Variants in HELLS observed in about 807,000 individuals in gnomAD.
HELLS encodes the protein lymphoid-specific helicase.
In HELLS, 32 loss-of-function variants were observed where a neutral mutation model predicts 120.0. That is an observed-to-expected ratio of 0.27 (90% CI 0.20 to 0.36). The LOEUF (loss-of-function observed/expected upper bound fraction) is 0.36. Among genes scored for constraint, HELLS ranks in the 10% least tolerant of loss-of-function variants. The pLI, the probability that HELLS is intolerant of heterozygous loss-of-function variation, is 1.00. For synonymous variants in HELLS, 341 were observed against 323.4 expected, an observed-to-expected ratio of 1.05 and a Z score of -0.58; for missense variants, 650 against 993.4, an observed-to-expected ratio of 0.65 and a Z score of 4.65.
At chr10:94,567,927 T>G (rs1354589561) in intron 6 of HELLS, among the ~76,000 whole-genome samples, 35 of 135,264 alleles carry the variant, frequency 2.6e-4, no homozygotes, top group Non-Finnish European at 3.9e-4. Context: ...TTTTTTTTTT[T>G]GGAGAGAGAG....
intron 3 of HELLS, among the ~76,000 whole-genome samples, chr10:94,554,646 T>TG (rs1160972189): frequency 4.5e-5 from 6 of 132,882 alleles, no homozygotes; most frequent in Admixed American, 1.5e-4. Context: ...GTAATAGTGT[T>TG]TTTTTTTTTG....
intron 4 of HELLS, among the ~76,000 whole-genome samples, chr10:94,559,693 C>T (rs1843452849): frequency 6.6e-6 from 1 of 151,864 alleles, no homozygotes; most frequent in Admixed American, 6.6e-5. Context: ...ATCCACCCGC[C>T]TCAGCCTCCC....
At chr10:94,583,631 A>G (rs1015743658) in intron 12 of HELLS, among the ~76,000 whole-genome samples, 30 of 152,210 alleles carry the variant, frequency 2.0e-4, no homozygotes, top group African/African-American at 6.5e-4. Flanking sequence ...TTCCTCTTAA[A>G]ATTGTATTTC....
chr10:94,565,564 C>T (rs528912784), intron 6 of HELLS, among the ~76,000 whole-genome samples: 34 of 152,210 alleles, frequency 2.2e-4, no homozygotes, highest in African/African-American at 7.9e-4. Context: ...TGGCACATGC[C>T]TGTAATTCCA....
chr10:94,579,356 A>G (rs1382396668), intron 10 of HELLS, among the ~76,000 whole-genome samples: 1 of 151,522 alleles, frequency 6.6e-6, no homozygotes, highest in Admixed American at 6.6e-5. Context: ...GCCCACAACC[A>G]TGCCCGGCTA....
chr10:94,598,870 A>G (rs1589767763), intron 21 of HELLS, among the ~76,000 whole-genome samples: 2 of 152,206 alleles, frequency 1.3e-5, no homozygotes, highest in East Asian at 3.9e-4. Context: ...TCTATTTTCA[A>G]TGAATTTTCA....
At chr10:94,550,761 C>T (rs1055143169) in intron 2 of HELLS, among the ~76,000 whole-genome samples, 15 of 152,002 alleles carry the variant, frequency 9.9e-5, no homozygotes, top group Admixed American at 5.2e-4. Context: ...TGGTGGCACG[C>T]GCCTATAGTC....
chr10:94,564,092 G>GAC (rs1843679192), intron 6 of HELLS, among the ~76,000 whole-genome samples: 2 of 152,200 alleles, frequency 1.3e-5, no homozygotes, highest in South Asian at 4.1e-4. Context: ...TTACAGGCGT[G>GAC]AGCCACTGCA....
At chr10:94,559,209 A>G (rs973940242) in intron 4 of HELLS, among the ~76,000 whole-genome samples, 1 of 152,156 alleles carries the variant, frequency 6.6e-6, no homozygotes, top group African/African-American at 2.4e-5. Flanking sequence ...TATGTCAAGC[A>G]TATATCCTTT....
chr10:94,580,144 TATATATATATATATATATACACACAC>T (rs1564602486), intron 10 of HELLS, among the ~76,000 whole-genome samples: 1 of 57,570 alleles, frequency 1.7e-5, no homozygotes, highest in African/African-American at 9.5e-5. Context: ...TATATATATA[TATATATATATATATATATACACACAC>T]ACACACACAC....
intron 2 of HELLS, 114 bp from the exon 3 acceptor site, chr10:94,554,012 G>C: frequency 1.1e-6 from 1 of 915,108 alleles, no homozygotes. Context: ...TTTTTGGTTT[G>C]AAAGTGTTTG....
At chr10:94,571,518 C>A in intron 7 of HELLS, 89 bp downstream of exon 7, 1 of 1,065,258 alleles carries the variant, frequency 9.4e-7, no homozygotes, top group Non-Finnish European at 1.3e-6. Context: ...AGTATACGTT[C>A]TTCTCACTAT....
At chr10:94,607,384 T>G (rs1410357178) in intron 8 of HELLS, among the ~76,000 whole-genome samples, 2 of 152,240 alleles carry the variant, frequency 1.3e-5, no homozygotes, top group Admixed American at 6.5e-5. Context: ...GTTTAACACC[T>G]GTTTCATTTT....
chr10:94,581,941 G>C (rs946755873), intron 11 of HELLS, among the ~76,000 whole-genome samples: 3 of 152,128 alleles, frequency 2.0e-5, no homozygotes, highest in Admixed American at 2.0e-4. Flanking sequence ...CAGAGCCAAA[G>C]TTAAAACCAA....
At chr10:94,611,332 GAA>G (rs972061083) in exon 10 of HELLS, 3 of 151,652 alleles carry the variant, frequency 2.0e-5, no homozygotes, top group African/African-American at 7.3e-5. Context: ...CATGGTAAGT[GAA>G]AGAGTGTACA....
At chr10:94,564,035 C>T (rs570328497) in intron 6 of HELLS, among the ~76,000 whole-genome samples, 7 of 152,250 alleles carry the variant, frequency 4.6e-5, no homozygotes, top group Admixed American at 2.0e-4. Context: ...ATCTTGAACT[C>T]CTGACCTCAG....
intron 3 of HELLS, among the ~76,000 whole-genome samples, chr10:94,555,230 A>G (rs1300436744): frequency 6.6e-6 from 1 of 152,202 alleles, no homozygotes; most frequent in Non-Finnish European, 1.5e-5. Flanking sequence ...TGAGCCCAGG[A>G]GTTCGACACC....
intron 12 of HELLS, among the ~76,000 whole-genome samples, chr10:94,584,289 T>G (rs1055637523): frequency 5.9e-5 from 9 of 152,106 alleles, no homozygotes; most frequent in African/African-American, 2.2e-4. Flanking sequence ...TAAGTTAATG[T>G]TGCAAATAAT....
At chr10:94,586,520 GTTTACTATC>G (rs1845159443) in intron 12 of HELLS, among the ~76,000 whole-genome samples, 1 of 152,106 alleles carries the variant, frequency 6.6e-6, no homozygotes, top group Non-Finnish European at 1.5e-5. Context: ...CTGGTAATGT[GTTTACTATC>G]TTTGGTAATA....
Sources: gnomAD v4.1 joint callset for allele counts (sites outside exome capture counted in the v4.1 genomes callset) on GRCh38, gnomAD v4.1.1 for gene constraint, MANE v1.5 for transcripts, NCBI Gene and HGNC (gene_info 2026-07-23, HGNC 2026-07-21) for gene names.